Variants in ANKS1B observed in about 807,000 individuals in gnomAD.
ANKS1B encodes the protein ankyrin repeat and sterile alpha motif domain containing 1B.
Under a neutral mutation model 148.3 loss-of-function variants are expected in ANKS1B, and 36 were observed. That is an observed-to-expected ratio of 0.24 (90% CI 0.19 to 0.32). The LOEUF (loss-of-function observed/expected upper bound fraction) is 0.32, where lower values mean the gene tolerates loss of function less well. Among genes scored for constraint, ANKS1B ranks in the 10% least tolerant of loss-of-function variants. ANKS1B has a pLI of 1.00. For missense variants in ANKS1B, 1,157 were observed against 1,542.6 expected, an observed-to-expected ratio of 0.75 and a Z score of 4.19; for synonymous variants, 542 against 560.8, an observed-to-expected ratio of 0.97 and a Z score of 0.47.
At chr12:99,496,855 A>G (rs1185334757) in intron 10 of ANKS1B, among the ~76,000 whole-genome samples, 1 of 152,166 alleles carries the variant, frequency 6.6e-6, no homozygotes, top group East Asian at 1.9e-4. Flanking sequence ...TGAATACACA[A>G]TGTTGCCAGT....
At chr12:99,698,744 T>C (rs1276188857) in intron 8 of ANKS1B, among the ~76,000 whole-genome samples, 1 of 152,198 alleles carries the variant, frequency 6.6e-6, no homozygotes, top group Admixed American at 6.5e-5. Context: ...CTTTTTCCTC[T>C]TTTTTACCTG....
chr12:99,891,168 T>G (rs2093083375), intron 1 of ANKS1B, among the ~76,000 whole-genome samples: 1 of 152,228 alleles, frequency 6.6e-6, no homozygotes, highest in Non-Finnish European at 1.5e-5. Flanking sequence ...TAGTAGTAGG[T>G]CTATGTTTAA....
At chr12:99,123,999 G>A (rs1329823843) in intron 15 of ANKS1B, among the ~76,000 whole-genome samples, 1 of 152,208 alleles carries the variant, frequency 6.6e-6, no homozygotes, top group Admixed American at 6.5e-5. Flanking sequence ...GATGAAATCA[G>A]ACAGGAAGAG....
chr12:99,328,242 G>C (rs926236451), intron 12 of ANKS1B, among the ~76,000 whole-genome samples: 1 of 152,044 alleles, frequency 6.6e-6, no homozygotes, highest in African/African-American at 2.4e-5. Context: ...CTGTAGTGCA[G>C]GAGAAGGGTA....
At position 99,224,080 on chromosome 12, in the gene ANKS1B, A is replaced by G. The variant is rs572366435; in HGVS notation, c.2419+20262T>C. Among the ~76,000 whole-genome samples the G allele has an allele frequency of 1.5e-4, 23 of 152,280 alleles. No individual in the cohort carries two copies. The East Asian group carries it at 4.4e-3, about 29-fold the overall frequency. On this transcript the variant is annotated intron_variant, in intron 14 of 26. Coordinates refer to ENST00000683438, the MANE Select transcript of ANKS1B (RefSeq NM_001352186.2). The stretch of plus-strand genomic sequence containing the variant: ...TTTACTGGTCACTTTTCAGGAAGAA[A>G]TGCCTGTATATATTTTTTAAATTTT...
At chr12:99,413,350 C>T (rs1046226417) in intron 11 of ANKS1B, among the ~76,000 whole-genome samples, 10 of 152,114 alleles carry the variant, frequency 6.6e-5, no homozygotes, top group Non-Finnish European at 1.5e-4. Context: ...AAATTGATTG[C>T]ATTTTCCCCG....
chr12:99,723,979 A>C (rs1455978462), intron 8 of ANKS1B, among the ~76,000 whole-genome samples: 1 of 151,902 alleles, frequency 6.6e-6, no homozygotes, highest in African/African-American at 2.4e-5. Context: ...GTGTCTCCCC[A>C]AAAAAACCCA....
intron 24 of ANKS1B, 107 bp downstream of exon 24, chr12:98,781,010 G>A: frequency 1.5e-6 from 1 of 666,000 alleles, no homozygotes; most frequent in East Asian, 2.7e-5. Context: ...TGGGGGAAAG[G>A]GATGATTACA....
intron 16 of ANKS1B, among the ~76,000 whole-genome samples, chr12:99,063,160 C>T (rs539920475): frequency 2.0e-5 from 3 of 152,250 alleles, no homozygotes; most frequent in South Asian, 2.1e-4. Flanking sequence ...AGGAAGCTGC[C>T]GTGGACCGTG....
chr12:99,163,969 G>C (rs2076955863), intron 14 of ANKS1B, among the ~76,000 whole-genome samples: 1 of 152,004 alleles, frequency 6.6e-6, no homozygotes, highest in Non-Finnish European at 1.5e-5. Flanking sequence ...TTTTTATGTA[G>C]TCATTCTGAT....
At chr12:98,873,394 C>A (rs1407950280) in intron 17 of ANKS1B, among the ~76,000 whole-genome samples, 1 of 152,096 alleles carries the variant, frequency 6.6e-6, no homozygotes, top group East Asian at 1.9e-4. Context: ...CATTCCTATT[C>A]AAATAAGCCT....
intron 12 of ANKS1B, among the ~76,000 whole-genome samples, chr12:99,323,481 G>A (rs959917777): frequency 4.6e-5 from 7 of 152,128 alleles, no homozygotes; most frequent in African/African-American, 1.7e-4. Flanking sequence ...AACCCCAACA[G>A]AGGCTCAATT....
At chr12:99,266,392 ATCCATTATC>A (rs2076444498) in intron 12 of ANKS1B, among the ~76,000 whole-genome samples, 1 of 152,194 alleles carries the variant, frequency 6.6e-6, no homozygotes, top group Non-Finnish European at 1.5e-5. Flanking sequence ...AGTGTTTTTT[ATCCATTATC>A]TTATTTAAGG....
intron 1 of ANKS1B, among the ~76,000 whole-genome samples, chr12:99,832,672 C>T (rs754087953): frequency 5.3e-5 from 8 of 150,510 alleles, no homozygotes; most frequent in Admixed American, 1.3e-4. Context: ...TGCAGTGAGC[C>T]GAGATCAGGC....
intron 18 of ANKS1B, 117 bp downstream of exon 18, chr12:98,831,912 G>T: frequency 2.2e-6 from 2 of 923,318 alleles, no homozygotes; most frequent in Non-Finnish European, 3.4e-6. Flanking sequence ...ACCACACCTG[G>T]CTAAATTTTT....
chr12:99,072,784 T>C (rs1258365734), intron 16 of ANKS1B, among the ~76,000 whole-genome samples: 1 of 152,212 alleles, frequency 6.6e-6, no homozygotes, highest in Admixed American at 6.5e-5. Context: ...CATTTATCAT[T>C]ACCTGAAATT....
intron 8 of ANKS1B, among the ~76,000 whole-genome samples, chr12:99,707,568 C>A (rs1600219655): frequency 6.6e-6 from 1 of 151,982 alleles, no homozygotes; most frequent in Non-Finnish European, 1.5e-5. Context: ...AAATATTTAA[C>A]AAATCCTGAG....
chr12:98,825,324 T>C (rs2099238875), intron 19 of ANKS1B, among the ~76,000 whole-genome samples: 1 of 152,218 alleles, frequency 6.6e-6, no homozygotes, highest in Admixed American at 6.5e-5. Flanking sequence ...AGAGAAGTAA[T>C]TGACCTAGTT....
intron 7 of ANKS1B, among the ~76,000 whole-genome samples, chr12:99,773,824 A>C (rs1304545631): frequency 6.6e-6 from 1 of 152,088 alleles, no homozygotes. Context: ...ATTGGTATAT[A>C]TGTCTGTTTT....
Sources: gnomAD v4.1 joint callset for allele counts (sites outside exome capture counted in the v4.1 genomes callset) on GRCh38, gnomAD v4.1.1 for gene constraint, MANE v1.5 for transcripts, NCBI Gene and HGNC (gene_info 2026-07-23, HGNC 2026-07-21) for gene names.